USP6NL: variants seen among roughly 807,000 people sequenced by gnomAD.
USP6NL encodes USP6 N-terminal-like protein.
Under a neutral mutation model 61.9 loss-of-function variants are expected in USP6NL, and 26 were observed. The observed-to-expected ratio is 0.42, with a 90% CI of 0.31 to 0.58. The LOEUF (loss-of-function observed/expected upper bound fraction) is 0.58, where lower values mean the gene tolerates loss of function less well. Among genes scored for constraint, USP6NL ranks in the 20% least tolerant of loss-of-function variants. The pLI, the probability that USP6NL is intolerant of heterozygous loss-of-function variation, is 0.16. For synonymous variants in USP6NL, 432 were observed against 390.1 expected (o/e 1.11, Z -1.27); for missense variants, 1,114 against 1,034.3 (o/e 1.08, Z -1.06).
rs1051307746 is a variant in USP6NL, at chr10:11,462,237, G to A, written c.*204C>T. 4.9e-6 allele frequency: 3 copies of A among 611,102 alleles called. No homozygotes were observed. Among genetic ancestry groups the A allele is most frequent in the Admixed American group, 6.5e-5 (2 of 30,560 alleles). 37.9% of individuals were successfully genotyped at this position (611,102 alleles called of 1,614,324 possible). On this transcript the variant is annotated 3_prime_UTR_variant, in exon 15 of 15. Transcript: ENST00000609104. ...GATGTTTCCGGGTTAAATTCTAACA[G>A]GTCAGTGATGATGCAATTGAAACGC...
chr10:11,529,470 T>G (rs1835560314), intron 2 of USP6NL, among the ~76,000 whole-genome samples: 1 of 152,220 alleles, frequency 6.6e-6, no homozygotes, highest in Non-Finnish European at 1.5e-5. Flanking sequence ...TTGTTTATAA[T>G]AGTAAAAACA....
rs372185786 is a variant in USP6NL at position 11,463,388 on chromosome 10, C to G, written c.1540G>C (p.Ala514Pro). The G allele has an allele frequency of 5.5e-5, 88 of 1,613,982 alleles. No homozygotes were observed. In the Middle Eastern group the frequency reaches 9.9e-4, roughly 18 times the overall value. ...GGACCTGGGACGGTAACTGCGAGCG[C>G]GGGGTGCGCTGCTCGACCTTTGCCT... ...MEGKGRAAHP[A>P]LAVTVPGPAE... is the part of the protein sequence containing the mutation. Residue 514 changes from alanine to proline, a missense_variant, in exon 15 of 15, where the codon GCG (alanine) becomes CCG (proline). Transcript: ENST00000609104. The surrounding 1 kb of genome is among the most constrained non-coding windows in gnomAD (Gnocchi z 6.3).
intron 2 of USP6NL, among the ~76,000 whole-genome samples, chr10:11,578,828 G>T (rs536586891): frequency 6.6e-6 from 1 of 152,202 alleles, no homozygotes; most frequent in Non-Finnish European, 1.5e-5. Context: ...TTAAAAACCT[G>T]AGGGATCAGT....
At chr10:11,504,194 T>TACAGTCTG (rs1236555387) in intron 6 of USP6NL, among the ~76,000 whole-genome samples, 2 of 152,222 alleles carry the variant, frequency 1.3e-5, no homozygotes, top group East Asian at 3.8e-4. Context: ...ACTTGTACTG[T>TACAGTCTG]TACATGACAG....
chr10:11,609,405 T>C (rs1838807227), intron 1 of USP6NL, among the ~76,000 whole-genome samples: 1 of 152,106 alleles, frequency 6.6e-6, no homozygotes, highest in African/African-American at 2.4e-5. Flanking sequence ...AGGAACAAAC[T>C]ATAACTTTCT....
chr10:11,538,255 A>T (rs577806127), intron 2 of USP6NL, among the ~76,000 whole-genome samples: 1 of 152,098 alleles, frequency 6.6e-6, no homozygotes, highest in African/African-American at 2.4e-5. Flanking sequence ...TTTTTTCTCA[A>T]ATTTAATCAA....
In USP6NL at chr10:11,596,665, C is replaced by A. The variant is rs182969277; in HGVS notation, c.4+966G>T. On this transcript the variant is annotated intron_variant, in intron 2 of 14. Transcript: ENST00000609104. The surrounding 1 kb of genome is among the most constrained non-coding windows in gnomAD (Gnocchi z 4.1). ...ACTCTTTCTTAATCTGTACTGAACT[C>A]ATCTAGCCACTAACTTTGTTTCTTC... Among the ~76,000 whole-genome samples, 2 of 151,914 alleles carry A rather than the reference C, an allele frequency of 1.3e-5. No individual in the cohort carries two copies. The highest frequency in any genetic ancestry group is 4.8e-5 in the African/African-American group (2 of 41,444).
chr10:11,526,574 A>G (rs1442929233), intron 3 of USP6NL, among the ~76,000 whole-genome samples: 2 of 152,246 alleles, frequency 1.3e-5, no homozygotes, highest in African/African-American at 2.4e-5. Flanking sequence ...TGATGTTCCA[A>G]AAATGAACTC....
intron 2 of USP6NL, among the ~76,000 whole-genome samples, chr10:11,572,394 T>C (rs1224256873): frequency 2.0e-5 from 3 of 152,044 alleles, no homozygotes; most frequent in Non-Finnish European, 4.4e-5. Context: ...TAAATAATAC[T>C]GCCACATTTT....
intron 2 of USP6NL, among the ~76,000 whole-genome samples, chr10:11,582,343 C>G (rs865869101): frequency 1.3e-5 from 2 of 152,140 alleles, no homozygotes; most frequent in Admixed American, 1.3e-4. Context: ...TCAGGTGATC[C>G]GCCCGCCTCA....
At chr10:11,519,943 G>C (rs989612664) in intron 4 of USP6NL, among the ~76,000 whole-genome samples, 6 of 152,172 alleles carry the variant, frequency 3.9e-5, no homozygotes, top group Non-Finnish European at 8.8e-5. Flanking sequence ...GAGCATGATA[G>C]AGCGGTATTC....
intron 10 of USP6NL, 149 bp downstream of exon 10, chr10:11,488,953 A>T (rs1347271045): frequency 9.7e-7 from 1 of 1,026,800 alleles, no homozygotes; most frequent in East Asian, 2.6e-5. Context: ...GAAAAATGAA[A>T]GAAGAAACTA....
chr10:11,531,478 C>T (rs571020745), intron 2 of USP6NL, among the ~76,000 whole-genome samples: 3 of 151,750 alleles, frequency 2.0e-5, no homozygotes, highest in Non-Finnish European at 2.9e-5. Context: ...GTGAGCCACC[C>T]GCCTAATTTT....
chr10:11,533,062 A>G (rs1358237797), intron 2 of USP6NL, among the ~76,000 whole-genome samples: 1 of 152,224 alleles, frequency 6.6e-6, no homozygotes, highest in African/African-American at 2.4e-5. Context: ...ATGCCTATGG[A>G]CATTAATTAC....
intron 2 of USP6NL, among the ~76,000 whole-genome samples, chr10:11,535,651 G>A (rs929472520): frequency 3.3e-5 from 5 of 152,162 alleles, no homozygotes; most frequent in South Asian, 2.1e-4. Flanking sequence ...TTCATTTCTA[G>A]TATAACGAAT....
chr10:11,508,638 A>G (rs914535093), intron 6 of USP6NL, among the ~76,000 whole-genome samples: 3 of 152,230 alleles, frequency 2.0e-5, no homozygotes, highest in African/African-American at 7.2e-5. Context: ...AAAAGTGTTA[A>G]CTTGATTAAA....
Position 11,584,166 on chromosome 10 carries a change from A to G in USP6NL, c.4+13465T>C, listed in dbSNP as rs568991939. On this transcript the variant is annotated intron_variant, in intron 2 of 14. Coordinates refer to ENST00000609104, the MANE Select transcript of USP6NL (RefSeq NM_014688.5). ...CCAGGAAGAATTTCAGTGAGCCAAG[A>G]CTACACTACTGCACTCCAGCCTGGG... Among the ~76,000 whole-genome samples the G allele has an allele frequency of 4.6e-5, 7 of 152,286 alleles. No individual in the cohort carries two copies. In the South Asian group the frequency reaches 1.4e-3, roughly 32 times the overall value.
At chr10:11,500,220 A>C (rs1834119098) in intron 7 of USP6NL, among the ~76,000 whole-genome samples, 1 of 152,208 alleles carries the variant, frequency 6.6e-6, no homozygotes. Context: ...AATGAGTGCT[A>C]AGGCTTAATA....
intron 2 of USP6NL, among the ~76,000 whole-genome samples, chr10:11,542,862 C>T (rs1836122260): frequency 2.0e-5 from 3 of 152,162 alleles, no homozygotes; most frequent in South Asian, 4.1e-4. Flanking sequence ...TCGACAGTAA[C>T]GTGGGGTAGG....
Sources: allele counts gnomAD v4.1 joint callset (sites outside exome capture counted in the v4.1 genomes callset), GRCh38; gene constraint gnomAD v4.1.1; non-coding constraint Gnocchi (gnomAD v3.1); transcripts MANE v1.5; gene names NCBI Gene and HGNC (gene_info 2026-07-23, HGNC 2026-07-21).